Variants in EIF3A observed in about 807,000 individuals in gnomAD.
EIF3A encodes the protein eukaryotic translation initiation factor 3 subunit A, also known as EIF3, p180 subunit.
EIF3A carries 21 observed loss-of-function variants against 186.6 expected under a neutral mutation model. The ratio of observed to expected loss-of-function variants is 0.11; its 90% CI spans 0.08 to 0.16. The LOEUF is 0.16. Among genes scored for constraint, EIF3A ranks in the 10% least tolerant of loss-of-function variants. The pLI, the probability that EIF3A is intolerant of heterozygous loss-of-function variation, is 1.00. For synonymous variants in EIF3A, 563 were observed against 584.3 expected (o/e 0.96, Z 0.52); for missense variants, 1,306 against 1,796.3 (o/e 0.73, Z 4.93).
At chr10:119,064,081 A>G (rs962703098) in intron 7 of EIF3A, among the ~76,000 whole-genome samples, 5 of 152,248 alleles carry the variant, frequency 3.3e-5, no homozygotes, top group Non-Finnish European at 5.9e-5. Context: ...CCTGTCTCAA[A>G]AAACAACAAC....
intron 7 of EIF3A, 104 bp downstream of exon 7, chr10:119,065,295 C>T (rs981606048): frequency 1.2e-6 from 1 of 869,216 alleles, no homozygotes; most frequent in Non-Finnish European, 1.8e-6. Flanking sequence ...TACATCAGAA[C>T]CCTTGGCACT....
chr10:119,050,580 G>A lies in EIF3A; in HGVS notation c.2414C>T (p.Thr805Ile), dbSNP rs1297912731. 2.5e-6 allele frequency: 4 copies of A among 1,613,922 alleles called. No individual in the cohort carries two copies. Among genetic ancestry groups the A allele is most frequent in the Non-Finnish European group, 3.4e-6 (4 of 1,179,922 alleles). The change falls in exon 16 of 22, where the codon ACA (threonine) becomes ATA (isoleucine). Residue 805 changes from threonine to isoleucine, a missense_variant. Around this residue, in one of 8 missense-constraint regions of EIF3A, gnomAD observed 410 missense variants for 473.5 expected, o/e 0.87. Coordinates refer to ENST00000369144, the MANE Select transcript of EIF3A (RefSeq NM_003750.4). ...CTCCTCTTCTTTTTCTCTATAGTAT[G>A]TTATCCTGCGTTCTTCTTTACGCTG... ...KRQRKEERRI[T>I]YYREKEEEEQ...
intron 1 of EIF3A, among the ~76,000 whole-genome samples, chr10:119,080,222 G>C (rs1345666230): frequency 6.6e-6 from 1 of 152,164 alleles, no homozygotes; most frequent in Non-Finnish European, 1.5e-5. Flanking sequence ...AGGGAGCCAT[G>C]TTTCTTACTC....
intron 19 of EIF3A, 54 bp from the exon 20 acceptor site, chr10:119,038,493 G>A: frequency 6.9e-7 from 1 of 1,444,274 alleles, no homozygotes; most frequent in Non-Finnish European, 9.5e-7. Flanking sequence ...AGAAGAAACA[G>A]ATTGGCAATC....
intron 17 of EIF3A, 123 bp downstream of exon 17, chr10:119,049,678 G>A: frequency 1.3e-6 from 1 of 769,658 alleles, no homozygotes; most frequent in Non-Finnish European, 2.1e-6. Flanking sequence ...CTTGAACCCG[G>A]GGGCTGAGAT....
chr10:119,059,865 G>T, intron 9 of EIF3A, 147 bp from the exon 10 acceptor site: 2 of 672,202 alleles, frequency 3.0e-6, no homozygotes, highest in Non-Finnish European at 5.4e-6. Context: ...GCTAATCCCA[G>T]ACCATCGACT....
intron 1 of EIF3A, among the ~76,000 whole-genome samples, chr10:119,080,120 G>C (rs1346525399): frequency 2.6e-5 from 4 of 152,376 alleles, no homozygotes; most frequent in Non-Finnish European, 5.9e-5. Flanking sequence ...TTGGAGAGCG[G>C]GGGTGGCTGC....
rs1848231677 is a variant in EIF3A at position 119,042,856 on chromosome 10, T to C, written c.2748-84A>G. Reference sequence around the variant, plus strand: ...GGGATTTTTTTTTTCACATGCTTTTTAAAAACTTCAGTATGGGCCGGAGCA... The same window carrying C: ...GGGATTTTTTTTTTCACATGCTTTTCAAAAACTTCAGTATGGGCCGGAGCA... On this transcript the variant is annotated intron_variant, in intron 18 of 21. Coordinates refer to ENST00000369144, the MANE Select transcript of EIF3A (RefSeq NM_003750.4). The surrounding 1 kb of genome is among the most constrained non-coding windows in gnomAD (Gnocchi z 7.8). The C allele has an allele frequency of 1.4e-6, 2 of 1,414,620 alleles. No individual in the cohort carries two copies. The highest frequency in any genetic ancestry group is 1.9e-6 in the Non-Finnish European group (2 of 1,063,836). The allele number at this position is 1,414,620 out of a possible 1,614,324, so 87.6% of individuals were successfully genotyped here. A position where few individuals can be genotyped will look rare whatever the true frequency, so the allele number is the denominator to read the frequency against.
Position 119,073,557 on chromosome 10 carries a change from C to T in EIF3A, c.261G>A (p.Glu87=). Residue 87 remains glutamate, a synonymous_variant, in exon 3 of 22, where the codon GAG becomes GAA. Coordinates refer to ENST00000369144, the MANE Select transcript of EIF3A (RefSeq NM_003750.4). Reference sequence around the variant, plus strand: ...TTTTCAAATATGCCCTAACAACATCCTCCAGAGATTTTATGTTCACCTAAT... The same window carrying T: ...TTTTCAAATATGCCCTAACAACATCTTCCAGAGATTTTATGTTCACCTAAT... ...ICQQVNIKSL[E]DVVRAYLKMA... The T allele has an allele frequency of 6.2e-7, 1 of 1,612,638 alleles. No homozygotes were observed. The highest frequency in any genetic ancestry group is 8.5e-7 in the Non-Finnish European group (1 of 1,179,486).
chr10:119,065,669 C>T (rs529663018), intron 6 of EIF3A, 99 bp from the exon 7 acceptor site: 356 of 812,736 alleles, frequency 4.4e-4, no homozygotes, highest in Non-Finnish European at 2.3e-4. Flanking sequence ...GTGCTAGTGA[C>T]AGAACGTGTA....
chr10:119,067,713 A>G (rs1437911939), intron 6 of EIF3A, among the ~76,000 whole-genome samples: 1 of 152,266 alleles, frequency 6.6e-6, no homozygotes. Context: ...ATAGTTTTAC[A>G]TAAGAAAGAC....
At chr10:119,072,596 G>A (rs1294476202) in intron 4 of EIF3A, among the ~76,000 whole-genome samples, 1 of 152,096 alleles carries the variant, frequency 6.6e-6, no homozygotes, top group East Asian at 1.9e-4. Context: ...GGGATTACAG[G>A]CATACACCAC....
In EIF3A at chr10:119,061,296, T is replaced by C. The variant is rs770643453; in HGVS notation, c.1155A>G (p.Pro385=). The change falls in exon 8 of 22, where the codon CCA becomes CCG. Residue 385 remains proline, a synonymous_variant. Transcript: ENST00000369144. The part of the protein sequence containing the change: ...VRFNVLQYVV[P]EVKDLYNWLE... ...GCCAATTGTAAAGGTCTTTCACTTC[T>C]GGGACAACATATTGTAGTACATTAA... 2.5e-6 allele frequency: 4 copies of C among 1,589,916 alleles called. No homozygotes were observed. Among genetic ancestry groups the C allele is most frequent in the Non-Finnish European group, 3.4e-6 (4 of 1,162,968 alleles).
rs1261037126 is a variant in EIF3A at position 119,072,974 on chromosome 10, G to T, written c.457C>A (p.Leu153Met). The T allele has an allele frequency of 1.2e-6, 2 of 1,614,076 alleles. No homozygotes were observed. Among genetic ancestry groups the T allele is most frequent in the Non-Finnish European group, 1.7e-6 (2 of 1,180,004 alleles). Residue 153 changes from leucine (L) to methionine (M), a missense_variant, in exon 4 of 22, where the codon CTG (leucine) becomes ATG (methionine). Physicochemically the swap from Leu to Met is conservative, Grantham distance 15. Around this residue, in one of 8 missense-constraint regions of EIF3A, gnomAD observed 130 missense variants for 259.3 expected, o/e 0.50. Coordinates refer to ENST00000369144, the MANE Select transcript of EIF3A (RefSeq NM_003750.4). The stretch of plus-strand genomic sequence containing the variant: ...AAACACTGCCTGTAAGACTCCCACA[G>T]GAATTTAACCCATGGAGTTAAAAGT... Reference protein sequence around the residue: ...RLLLTPWVKFLWESYRQCLDL... With the variant: ...RLLLTPWVKFMWESYRQCLDL...
chr10:119,050,657 A>G lies in EIF3A; in HGVS notation c.2337T>C (p.Phe779=). ...GCCTTTCTTCTGCTAATCGCTCTTC[A>G]AACTGTTTAAGTTTTTCCTGCAATC... is the stretch of plus-strand genomic sequence containing the variant. The part of the protein sequence containing the change: ...QSVYEEKLKQ[F]EERLAEERHN... Residue 779 remains phenylalanine, a synonymous_variant, in exon 16 of 22, where the codon TTT becomes TTC. Coordinates refer to ENST00000369144, the MANE Select transcript of EIF3A (RefSeq NM_003750.4). 1 of 1,613,970 alleles carries G rather than the reference A, an allele frequency of 6.2e-7. No individual in the cohort carries two copies. The highest frequency in any genetic ancestry group is 8.5e-7 in the Non-Finnish European group (1 of 1,180,022).
At chr10:119,048,656 T>C (rs1217641266) in intron 17 of EIF3A, among the ~76,000 whole-genome samples, 3 of 151,410 alleles carry the variant, frequency 2.0e-5, no homozygotes, top group Non-Finnish European at 4.4e-5. Context: ...TTCATCATCC[T>C]CTAAATTCAC....
intron 6 of EIF3A, among the ~76,000 whole-genome samples, chr10:119,066,345 CT>C (rs1357813578): frequency 6.7e-6 from 1 of 150,242 alleles, no homozygotes; most frequent in African/African-American, 2.5e-5. Context: ...CCCATCTCTA[CT>C]AAAAATGCAA....
At chr10:119,065,134 T>C (rs114474642) in intron 7 of EIF3A, among the ~76,000 whole-genome samples, 1,645 of 152,270 alleles carry the variant, frequency 0.011, 21 homozygotes, top group African/African-American at 0.036. Flanking sequence ...TGCCCATCAT[T>C]ACTTCTTCTC....
At chr10:119,037,083 GT>G in intron 21 of EIF3A, 35 bp downstream of exon 21, 1 of 988,884 alleles carries the variant, frequency 1.0e-6, no homozygotes, top group Non-Finnish European at 1.4e-6. Context: ...AGAAACGACA[GT>G]TCTCCAATAC....
Sources: gnomAD v4.1 joint callset for allele counts (sites outside exome capture counted in the v4.1 genomes callset) on GRCh38, gnomAD v4.1.1 for gene constraint, gnomAD v4.1.1 regional missense constraint, Gnocchi (gnomAD v3.1) non-coding constraint, MANE v1.5 for transcripts, NCBI Gene and HGNC (gene_info 2026-07-23, HGNC 2026-07-21) for gene names.